Variants in ZNF813 observed in about 807,000 individuals in gnomAD.
ZNF813 encodes the protein zinc finger protein 813.
ZNF813 carries 3 observed loss-of-function variants against 7.2 expected under a neutral mutation model. That is an observed-to-expected ratio of 0.42 (90% CI 0.19 to 1.08). The LOEUF (loss-of-function observed/expected upper bound fraction) is 1.08. Ranked by LOEUF, ZNF813 falls within the 50% of genes least tolerant of loss-of-function variation. ZNF813 has a pLI of 0.30. For synonymous variants in ZNF813, 227 were observed against 256.3 expected (o/e 0.89, Z 1.09); for missense variants, 714 against 753.3 (o/e 0.95, Z 0.61).
At chr19:53,480,153 C>T in intron 1 of ZNF813, 3 of 760,022 alleles carry the variant, frequency 3.9e-6, no homozygotes, top group Middle Eastern at 2.3e-4. Context: ...CTGAGGCCAG[C>T]CTGCCCGAAG....
In ZNF813 at chr19:53,480,156, G is replaced by T; in HGVS notation, c.-73-3594G>T. On this transcript the variant is annotated intron_variant, in intron 1 of 3. Coordinates refer to ENST00000396403, the MANE Select transcript of ZNF813 (RefSeq NM_001004301.4). Reference sequence around the variant, plus strand: ...CCCTGACTCCGCCTGAGGCCAGCCTGCCCGAAGCTGACCTTTACCTGAGGG... The same window carrying T: ...CCCTGACTCCGCCTGAGGCCAGCCTTCCCGAAGCTGACCTTTACCTGAGGG... 3 of 759,798 alleles carry T rather than the reference G, an allele frequency of 3.9e-6. No individual in the cohort carries two copies. In the South Asian group the frequency reaches 4.0e-5, roughly 10 times the overall value. The allele number at this position is 759,798 out of a possible 1,614,324, so 47.1% of individuals were successfully genotyped here.
At chr19:53,485,088 C>T (rs748455995) in intron 2 of ZNF813, among the ~76,000 whole-genome samples, 12 of 152,084 alleles carry the variant, frequency 7.9e-5, no homozygotes, top group South Asian at 4.2e-4. Context: ...TGTATTTCTG[C>T]ATCACTATGA....
chr19:53,486,615 A>G lies in ZNF813; in HGVS notation c.16-17A>G, dbSNP rs1265310715. On this transcript the variant is annotated splice_polypyrimidine_tract_variant and intron_variant, in intron 2 of 3. Coordinates refer to ENST00000396403, the MANE Select transcript of ZNF813 (RefSeq NM_001004301.4). ...CTCCTCCCATAACAATTTCCTTAAA[A>G]TGTGTTTTCATTTCAGGGTCTATTG... 6 of 1,613,964 alleles carry G rather than the reference A, an allele frequency of 3.7e-6. No individual in the cohort carries two copies. Among genetic ancestry groups the G allele is most frequent in the Non-Finnish European group, 4.2e-6 (5 of 1,179,902 alleles).
rs1221932544 is a variant in ZNF813, at chr19:53,468,791, A to G, written c.-74+1002A>G. On this transcript the variant is annotated intron_variant, in intron 1 of 3. Coordinates refer to ENST00000396403, the MANE Select transcript of ZNF813 (RefSeq NM_001004301.4). ...CAGAATAGAACGAATGGAAATGGTC[A>G]GCTTTACACCTAGACATTCCATTCC... Among the ~76,000 whole-genome samples, 8 of 151,106 alleles carry G rather than the reference A, an allele frequency of 5.3e-5. No individual in the cohort carries two copies. In the South Asian group the frequency reaches 1.1e-3, roughly 20 times the overall value.
At position 53,493,656 on chromosome 19, in the gene ZNF813, C is replaced by T. The variant is rs1389154026; in HGVS notation, c.*1570C>T. The T allele has an allele frequency of 6.6e-6, 1 of 152,234 alleles. No individual in the cohort carries two copies. Among genetic ancestry groups the T allele is most frequent in the Non-Finnish European group, 1.5e-5 (1 of 68,044 alleles). The allele number at this position is 152,234 out of a possible 1,614,324, so 9.4% of individuals were successfully genotyped here. Reference sequence around the variant, plus strand: ...GTGCTGATATTGTACTGTGCAGATACACTGAATCTGTTTATTACTTCCAGT... The same window carrying T: ...GTGCTGATATTGTACTGTGCAGATATACTGAATCTGTTTATTACTTCCAGT... On this transcript the variant is annotated 3_prime_UTR_variant, in exon 4 of 4. Transcript: ENST00000396403.
intron 3 of ZNF813, among the ~76,000 whole-genome samples, chr19:53,488,598 T>G (rs2086444921): frequency 1.3e-5 from 2 of 150,718 alleles, no homozygotes; most frequent in Non-Finnish European, 3.0e-5. Context: ...TTTTTTTTTT[T>G]GTAGAGGTGG....
intron 1 of ZNF813, among the ~76,000 whole-genome samples, chr19:53,471,505 G>A (rs182167220): frequency 6.6e-6 from 1 of 152,236 alleles, no homozygotes; most frequent in African/African-American, 2.4e-5. Flanking sequence ...GATAATGGAA[G>A]TTTTTAAGAG....
chr19:53,489,454 T>C (rs2086449027), intron 3 of ZNF813, among the ~76,000 whole-genome samples: 1 of 151,804 alleles, frequency 6.6e-6, no homozygotes, highest in African/African-American at 2.4e-5. Flanking sequence ...ATACAAAAAT[T>C]AGCCAAGCAT....
Position 53,486,712 on chromosome 19 carries a change from A to G in ZNF813, c.96A>G (p.Leu32=), listed in dbSNP as rs767351995. The G allele has an allele frequency of 3.7e-6, 6 of 1,613,980 alleles. No individual in the cohort carries two copies. Among genetic ancestry groups the G allele is most frequent in the African/African-American group, 1.3e-5 (1 of 74,932 alleles). The change falls in exon 3 of 4, where the codon CTA becomes CTG. Residue 32 remains leucine (L), a synonymous_variant. Transcript: ENST00000396403. ...GCCTGGACCCTGCTCAGAGGACTCT[A>G]TACAGGGACGTGATGCTGGAGAATT... ...WKCLDPAQRT[L]YRDVMLENYR...
In ZNF813 at chr19:53,491,888, G is replaced by T. The variant is rs186777604; in HGVS notation, c.1656G>T (p.Lys552Asn). ...TTCATACTGGAGATAAACCTTACAA[G>T]TGTAATGAATGTGGCAAGGTTTTTA... ...HRLHTGDKPY[K>N]CNECGKVFNQ... Residue 552 changes from lysine to asparagine, a missense_variant, in exon 4 of 4, where the codon AAG becomes AAT. Physicochemically the swap from Lys to Asn is moderately conservative, Grantham distance 94 (BLOSUM62 0). Transcript: ENST00000396403. The T allele has an allele frequency of 1.8e-3, 2,859 of 1,613,746 alleles. 3 individuals carry two copies. The highest frequency in any genetic ancestry group is 2.2e-3 in the Non-Finnish European group (2,579 of 1,179,830).
intron 1 of ZNF813, among the ~76,000 whole-genome samples, chr19:53,482,613 G>C (rs1015662122): frequency 6.8e-6 from 1 of 146,292 alleles, no homozygotes; most frequent in Non-Finnish European, 1.5e-5. Flanking sequence ...TGTCTCCCAT[G>C]CCCTCCCACC....
intron 1 of ZNF813, among the ~76,000 whole-genome samples, chr19:53,477,722 G>C (rs571630318): frequency 6.6e-6 from 1 of 152,094 alleles, no homozygotes; most frequent in African/African-American, 2.4e-5. Flanking sequence ...TCTGGAGGCC[G>C]AGGCAGGAGG....
intron 1 of ZNF813, among the ~76,000 whole-genome samples, chr19:53,468,249 C>T (rs561015667): frequency 2.1e-5 from 3 of 140,908 alleles, no homozygotes; most frequent in African/African-American, 7.8e-5. Flanking sequence ...CTCCTCCTGC[C>T]GGGCCCTGCT....
intron 1 of ZNF813, among the ~76,000 whole-genome samples, chr19:53,475,500 G>T (rs1372846930): frequency 7.9e-5 from 12 of 152,416 alleles, no homozygotes; most frequent in African/African-American, 2.4e-4. Flanking sequence ...GAATAGCCGG[G>T]TTAGGGTGTT....
At chr19:53,470,030 G>A (rs4407166) in intron 1 of ZNF813, among the ~76,000 whole-genome samples, 55,523 of 151,258 alleles carry the variant, frequency 0.37, 10,782 homozygotes, top group African/African-American at 0.49. Flanking sequence ...AGTTAATCAT[G>A]TAATGATTGG....
intron 3 of ZNF813, among the ~76,000 whole-genome samples, chr19:53,488,810 A>T (rs1339046224): frequency 1.3e-5 from 2 of 152,096 alleles, no homozygotes; most frequent in Non-Finnish European, 2.9e-5. Context: ...CAGTTCTTAT[A>T]TTGTGTTCTG....
At chr19:53,474,273 A>G (rs963206361) in intron 1 of ZNF813, among the ~76,000 whole-genome samples, 2 of 152,244 alleles carry the variant, frequency 1.3e-5, no homozygotes, top group Non-Finnish European at 2.9e-5. Context: ...TTCACAAGGC[A>G]TGGCTCCTGC....
chr19:53,469,396 C>T (rs949345374), intron 1 of ZNF813, among the ~76,000 whole-genome samples: 15 of 152,074 alleles, frequency 9.9e-5, no homozygotes, highest in Non-Finnish European at 1.5e-5. Flanking sequence ...TGGTATGTAG[C>T]CATCTTACTC....
rs1197536238 is a variant in ZNF813 at position 53,495,221 on chromosome 19, G to A, written c.*3135G>A. The A allele has an allele frequency of 2.5e-5, 3 of 118,218 alleles. No individual in the cohort carries two copies. Among genetic ancestry groups the A allele is most frequent in the Non-Finnish European group, 5.8e-5 (3 of 52,108 alleles). 7.3% of individuals were successfully genotyped at this position (118,218 alleles called of 1,614,324 possible). ...ACCATCCACATCAGTTTTTTTGTTT[G>A]TTTTTGTTGTTGTTGTTTTTTTGAG... On this transcript the variant is annotated 3_prime_UTR_variant, in exon 4 of 4. Coordinates refer to ENST00000396403, the MANE Select transcript of ZNF813 (RefSeq NM_001004301.4).
Sources: gnomAD v4.1 joint callset for allele counts (sites outside exome capture counted in the v4.1 genomes callset) on GRCh38, gnomAD v4.1.1 for gene constraint, MANE v1.5 for transcripts, NCBI Gene and HGNC (gene_info 2026-07-23, HGNC 2026-07-21) for gene names.